The following NR3C2 variants were observed in gnomAD, a reference collection of about 807,000 sequenced individuals.
NR3C2 encodes mineralocorticoid receptor.
In NR3C2, 15 loss-of-function variants were observed where a neutral mutation model predicts 86.4. The observed-to-expected ratio is 0.17, with a 90% CI of 0.12 to 0.27. NR3C2 has a LOEUF of 0.27. Among genes scored for constraint, NR3C2 ranks in the 10% least tolerant of loss-of-function variants. The probability of loss-of-function intolerance (pLI) is 1.00; values close to 1 mark genes in which losing one functional copy is unlikely to be tolerated. For missense variants in NR3C2, 960 were observed against 1,195.6 expected (o/e 0.80, Z 2.91); for synonymous variants, 458 against 450.5 (o/e 1.02, Z -0.21).
chr4:148,323,371 A>G (rs551764044), intron 2 of NR3C2, among the ~76,000 whole-genome samples: 67 of 148,728 alleles, frequency 4.5e-4, no homozygotes, highest in South Asian at 2.0e-3. Context: ...AGCCTACAGA[A>G]GCAGGCAGGC....
chr4:148,223,998 T>C (rs1560986946), intron 3 of NR3C2, among the ~76,000 whole-genome samples: 1 of 152,106 alleles, frequency 6.6e-6, no homozygotes, highest in Non-Finnish European at 1.5e-5. Flanking sequence ...GTTGACGATG[T>C]TGATTTGGGA....
chr4:148,082,856 CGACCCGGGATGCTCGA>C lies in NR3C2; in HGVS notation c.2800-1373_2800-1358del, dbSNP rs1320982703. Among the ~76,000 whole-genome samples the C allele has an allele frequency of 2.6e-5, 4 of 152,106 alleles. No individual in the cohort carries two copies. The East Asian group carries it at 7.8e-4, about 30-fold the overall frequency. ...TGCTGCCAGCACAGCAGTCTGAAGT[CGACCCGGGATGCTCGA>C]GCTTGGTGGGGGAAGGGGGGAGGAG... is the stretch of plus-strand genomic sequence containing the variant. On this transcript the variant is annotated intron_variant, in intron 8 of 8. Coordinates refer to ENST00000358102, the MANE Select transcript of NR3C2 (RefSeq NM_000901.5).
At chr4:148,204,810 A>G (rs977814295) in intron 3 of NR3C2, among the ~76,000 whole-genome samples, 11 of 152,194 alleles carry the variant, frequency 7.2e-5, no homozygotes, top group Non-Finnish European at 2.9e-5. Flanking sequence ...TTCTAATTAC[A>G]TCATACGTAG....
At chr4:148,439,003 A>T (rs534912050) in intron 1 of NR3C2, among the ~76,000 whole-genome samples, 1 of 152,228 alleles carries the variant, frequency 6.6e-6, no homozygotes, top group African/African-American at 2.4e-5. Context: ...ATCACAAAAC[A>T]GTAGAAAATA....
At chr4:148,112,164 A>G (rs1732074219) in intron 8 of NR3C2, among the ~76,000 whole-genome samples, 1 of 151,964 alleles carries the variant, frequency 6.6e-6, no homozygotes, top group African/African-American at 2.4e-5. Flanking sequence ...CCCATGGACC[A>G]CTAGGTGAGG....
intron 4 of NR3C2, among the ~76,000 whole-genome samples, chr4:148,192,303 G>A (rs1736235298): frequency 6.6e-6 from 1 of 152,180 alleles, no homozygotes; most frequent in South Asian, 2.1e-4. Flanking sequence ...GGCATTGGGG[G>A]TTGTCTGCAC....
At chr4:148,146,416 G>A (rs1231852675) in intron 6 of NR3C2, 4 of 152,612 alleles carry the variant, frequency 2.6e-5, no homozygotes, top group African/African-American at 9.6e-5. Flanking sequence ...GCCTCCTGGA[G>A]CTTCAGAACG....
At chr4:148,342,568 A>G (rs866623178) in intron 2 of NR3C2, among the ~76,000 whole-genome samples, 3 of 152,140 alleles carry the variant, frequency 2.0e-5, no homozygotes, top group Non-Finnish European at 4.4e-5. Flanking sequence ...GCTGATCCAT[A>G]ATAAGCCCCT....
intron 2 of NR3C2, among the ~76,000 whole-genome samples, chr4:148,406,977 T>G (rs1401421883): frequency 2.0e-5 from 3 of 152,220 alleles, no homozygotes; most frequent in Admixed American, 2.0e-4. Context: ...ATTAAAAATA[T>G]GTCTTAATTA....
At chr4:148,312,390 G>A (rs1346937087) in intron 2 of NR3C2, among the ~76,000 whole-genome samples, 1 of 152,148 alleles carries the variant, frequency 6.6e-6, no homozygotes, top group African/African-American at 2.4e-5. Context: ...CAGTTGTGGT[G>A]GGAATATTTA....
In NR3C2 at chr4:148,423,360, G is replaced by A. The variant is rs1395433042; in HGVS notation, c.1757+11744C>T. On this transcript the variant is annotated intron_variant, in intron 2 of 8. Coordinates refer to ENST00000358102, the MANE Select transcript of NR3C2 (RefSeq NM_000901.5). ...AGGCAAGTTTCATTTGTCCTGCCTA[G>A]CACTTGACTTGTGCTATTACTTATT... 4.6e-5 allele frequency among the ~76,000 whole-genome samples: 7 copies of A among 152,086 alleles called. No individual in the cohort carries two copies. The East Asian group carries it at 9.6e-4, about 21-fold the overall frequency.
In NR3C2 at chr4:148,297,946, C is replaced by A. The variant is rs187152833; in HGVS notation, c.1758-37829G>T. Among the ~76,000 whole-genome samples the A allele has an allele frequency of 1.7e-3, 251 of 151,344 alleles. 1 individual carries two copies. Among genetic ancestry groups the A allele is most frequent in the African/African-American group, 5.5e-3 (226 of 41,274 alleles). ...CTACTAAGATGGACAACACAAAATG[C>A]TGGTGAGAATGTTAAGTAAAAGGAA... On this transcript the variant is annotated intron_variant, in intron 2 of 8. Coordinates refer to ENST00000358102, the MANE Select transcript of NR3C2 (RefSeq NM_000901.5).
chr4:148,426,382 A>G (rs568689774), intron 2 of NR3C2, among the ~76,000 whole-genome samples: 1 of 152,338 alleles, frequency 6.6e-6, no homozygotes, highest in Admixed American at 6.5e-5. Flanking sequence ...TAAGGTAACA[A>G]AGACAAAAAG....
At chr4:148,387,527 T>G (rs1747326946) in intron 2 of NR3C2, among the ~76,000 whole-genome samples, 1 of 152,230 alleles carries the variant, frequency 6.6e-6, no homozygotes, top group South Asian at 2.1e-4. Context: ...AACTGTATAC[T>G]CTCAATTGTA....
intron 3 of NR3C2, among the ~76,000 whole-genome samples, chr4:148,253,276 CTCTGGGCTGATTAACA>C (rs533279175): frequency 6.7e-4 from 102 of 152,258 alleles, no homozygotes; most frequent in African/African-American, 2.3e-3. Flanking sequence ...TGGTTTGGGG[CTCTGGGCTGATTAACA>C]TTCATAATAA....
chr4:148,343,124 A>G (rs1432389268), intron 2 of NR3C2, among the ~76,000 whole-genome samples: 1 of 152,150 alleles, frequency 6.6e-6, no homozygotes, highest in African/African-American at 2.4e-5. Context: ...CAAACTCAGG[A>G]AAGATTACTA....
At chr4:148,203,610 C>T (rs369207617) in intron 3 of NR3C2, among the ~76,000 whole-genome samples, 36 of 152,008 alleles carry the variant, frequency 2.4e-4, no homozygotes, top group Non-Finnish European at 4.9e-4. Context: ...AGCAAATTCC[C>T]GCATTGCAGA....
intron 8 of NR3C2, among the ~76,000 whole-genome samples, chr4:148,097,741 G>GTTTTTTTTTTTTTTTTTTT (rs1180902227): frequency 9.3e-6 from 1 of 107,504 alleles, no homozygotes; most frequent in Non-Finnish European, 1.8e-5. Context: ...ACTTTTTTGC[G>GTTTTTTTTTTTTTTTTTTT]TTTTTTTTTG....
intron 2 of NR3C2, among the ~76,000 whole-genome samples, chr4:148,383,856 G>A (rs1384975290): frequency 6.6e-6 from 1 of 151,296 alleles, no homozygotes; most frequent in Non-Finnish European, 1.5e-5. Context: ...GCTGAGGCAG[G>A]AGAATTGCTT....
Sources: allele counts gnomAD v4.1 joint callset (sites outside exome capture counted in the v4.1 genomes callset), GRCh38; gene constraint gnomAD v4.1.1; transcripts MANE v1.5; gene names NCBI Gene and HGNC (gene_info 2026-07-23, HGNC 2026-07-21).